The following TRPM3 variants were observed in gnomAD, a reference collection of about 807,000 sequenced individuals.
TRPM3 encodes transient receptor potential cation channel subfamily M member 3, also known as long transient receptor potential channel 3.
TRPM3 carries 77 observed loss-of-function variants against 181.2 expected under a neutral mutation model. The ratio of observed to expected loss-of-function variants is 0.42; its 90% CI spans 0.35 to 0.51. TRPM3 has a LOEUF of 0.51. TRPM3 is among the 20% of genes least tolerant of loss of function. The pLI is 0.01. For synonymous variants in TRPM3, 745 were observed against 796.4 expected, an observed-to-expected ratio of 0.94 and a Z score of 1.09; for missense variants, 1,759 against 2,196.7, an observed-to-expected ratio of 0.80 and a Z score of 3.98.
At chr9:70,660,970 G>A (rs763085877) in intron 9 of TRPM3, among the ~76,000 whole-genome samples, 1 of 151,850 alleles carries the variant, frequency 6.6e-6, no homozygotes, top group Non-Finnish European at 1.5e-5. Context: ...GACCAGCAAA[G>A]GACATGTCAA....
At position 70,675,188 on chromosome 9, in the gene TRPM3, C is replaced by T. The variant is rs138004391; in HGVS notation, c.1345+6318G>A. 7.9e-5 allele frequency among the ~76,000 whole-genome samples: 12 copies of T among 152,286 alleles called. No individual in the cohort carries two copies. The East Asian group carries it at 1.9e-3, about 25-fold the overall frequency. On this transcript the variant is annotated intron_variant, in intron 9 of 25. Coordinates refer to ENST00000677713, the MANE Select transcript of TRPM3 (RefSeq NM_001366145.2). ...TGATCTCGGCTCACTGCAACCTCCA[C>T]CTCCCAGGTTCAAGTGATTCTCCTG...
intron 24 of TRPM3, among the ~76,000 whole-genome samples, chr9:70,551,532 G>T (rs896962270): frequency 6.6e-6 from 1 of 152,142 alleles, no homozygotes; most frequent in Non-Finnish European, 1.5e-5. Flanking sequence ...TGAGGGGGTG[G>T]GCACTGGAAA....
intron 1 of TRPM3, among the ~76,000 whole-genome samples, chr9:70,938,338 G>T (rs574095886): frequency 6.6e-6 from 1 of 152,174 alleles, no homozygotes; most frequent in African/African-American, 2.4e-5. Context: ...TCACCAATAA[G>T]TCACTGTCAC....
chr9:70,886,656 TTTTTTTTC>T (rs1589534939), intron 1 of TRPM3, among the ~76,000 whole-genome samples: 1 of 151,830 alleles, frequency 6.6e-6, no homozygotes, highest in Non-Finnish European at 1.5e-5. Context: ...GAGTCAACAC[TTTTTTTTC>T]TTTTTTTCTT....
intron 7 of TRPM3, among the ~76,000 whole-genome samples, chr9:70,762,860 A>G (rs772796569): frequency 2.1e-4 from 32 of 152,110 alleles, no homozygotes; most frequent in Non-Finnish European, 3.8e-4. Context: ...CCACCACACC[A>G]TGTTGCCTCT....
At chr9:70,920,773 A>G (rs189444715) in intron 1 of TRPM3, among the ~76,000 whole-genome samples, 1 of 152,366 alleles carries the variant, frequency 6.6e-6, no homozygotes, top group African/African-American at 2.4e-5. Context: ...CAATATGAAA[A>G]GCTTACTATA....
intron 1 of TRPM3, among the ~76,000 whole-genome samples, chr9:71,202,933 A>T (rs2131740860): frequency 6.6e-6 from 1 of 152,348 alleles, no homozygotes. Context: ...GCAACATTGT[A>T]AATACTGAAT....
At chr9:71,414,518 G>T (rs777231811) in intron 1 of TRPM3, among the ~76,000 whole-genome samples, 1 of 152,020 alleles carries the variant, frequency 6.6e-6, no homozygotes, top group Non-Finnish European at 1.5e-5. Flanking sequence ...GATCTATTCT[G>T]CCAGATGGCC....
chr9:70,681,888 T>C (rs941491541), intron 8 of TRPM3, among the ~76,000 whole-genome samples: 9 of 152,188 alleles, frequency 5.9e-5, no homozygotes, highest in African/African-American at 2.2e-4. Flanking sequence ...ACCAATGTGA[T>C]AGCTTTAGGA....
At chr9:70,925,449 G>A (rs1002821896) in intron 1 of TRPM3, among the ~76,000 whole-genome samples, 2 of 151,974 alleles carry the variant, frequency 1.3e-5, no homozygotes, top group African/African-American at 4.8e-5. Context: ...AAACAAGGTA[G>A]ATATAAAAGA....
chr9:70,635,162 G>A lies in TRPM3; in HGVS notation c.1632+49C>T, dbSNP rs559784957. ...AAAACAGAGGCACTCTCTAATCACAGGAAGCAGTCAAGACAGGGCCTCCGA... is the reference window on the plus strand; with the variant it reads ...AAAACAGAGGCACTCTCTAATCACAAGAAGCAGTCAAGACAGGGCCTCCGA... On this transcript the variant is annotated intron_variant, in intron 12 of 25. Coordinates refer to ENST00000677713, the MANE Select transcript of TRPM3 (RefSeq NM_001366145.2). 16 of 1,557,486 alleles carry A rather than the reference G, an allele frequency of 1.0e-5. No individual in the cohort carries two copies. In the Middle Eastern group the frequency reaches 5.1e-4, roughly 49 times the overall value.
At chr9:70,794,253 G>A (rs1049435028) in intron 6 of TRPM3, among the ~76,000 whole-genome samples, 11 of 152,094 alleles carry the variant, frequency 7.2e-5, no homozygotes, top group African/African-American at 1.9e-4. Flanking sequence ...CATCTCTCAC[G>A]TAAAGAGAAA....
intron 1 of TRPM3, among the ~76,000 whole-genome samples, chr9:71,432,777 C>T (rs2093977667): frequency 6.6e-6 from 1 of 152,108 alleles, no homozygotes; most frequent in South Asian, 2.1e-4. Flanking sequence ...AGATCCTATT[C>T]TGAAACTGGT....
At chr9:70,686,699 T>TGGAAAC (rs375403711) in intron 8 of TRPM3, among the ~76,000 whole-genome samples, 13,645 of 76,526 alleles carry the variant, frequency 0.18, 1,085 homozygotes, top group Non-Finnish European at 0.2. Context: ...CCTTCCTTCC[T>TGGAAAC]TCCTTCCTTC....
At chr9:71,144,526 G>A (rs1379212110) in intron 1 of TRPM3, among the ~76,000 whole-genome samples, 1 of 152,084 alleles carries the variant, frequency 6.6e-6, no homozygotes, top group African/African-American at 2.4e-5. Context: ...TTGGCTTAGG[G>A]GAAGCTAAGG....
At chr9:71,007,827 T>C (rs1469556252) in intron 1 of TRPM3, among the ~76,000 whole-genome samples, 2 of 151,892 alleles carry the variant, frequency 1.3e-5, no homozygotes, top group East Asian at 1.9e-4. Context: ...ATCTAAAAAA[T>C]AGGGAGATAA....
At chr9:71,223,881 G>A (rs1421789726) in intron 1 of TRPM3, among the ~76,000 whole-genome samples, 1 of 152,214 alleles carries the variant, frequency 6.6e-6, no homozygotes, top group Non-Finnish European at 1.5e-5. Flanking sequence ...TATTGGAGGA[G>A]CAGGTAGATT....
chr9:71,279,009 C>T (rs2084447682), intron 1 of TRPM3, among the ~76,000 whole-genome samples: 1 of 137,690 alleles, frequency 7.3e-6, no homozygotes, highest in Non-Finnish European at 1.5e-5. Context: ...CAAGTTCTCT[C>T]CTCACCAAAC....
chr9:70,597,410 A>G (rs1424236666), intron 21 of TRPM3, among the ~76,000 whole-genome samples: 1 of 152,174 alleles, frequency 6.6e-6, no homozygotes, highest in Non-Finnish European at 1.5e-5. Context: ...TCGTCATGGT[A>G]GGACAGATGT....
Sources: allele counts gnomAD v4.1 joint callset (sites outside exome capture counted in the v4.1 genomes callset), GRCh38; gene constraint gnomAD v4.1.1; transcripts MANE v1.5; gene names NCBI Gene and HGNC (gene_info 2026-07-23, HGNC 2026-07-21).